FILIP1L: variants seen among roughly 807,000 people sequenced by gnomAD.
FILIP1L encodes filamin A-interacting protein 1-like.
A neutral mutation model predicts 96.6 loss-of-function variants in FILIP1L; 55 were observed. That is an observed-to-expected ratio of 0.57 (90% confidence interval 0.46 to 0.71). The LOEUF (loss-of-function observed/expected upper bound fraction) is 0.71, where lower values mean the gene tolerates loss of function less well. Ranked by LOEUF, FILIP1L falls within the 30% of genes least tolerant of loss-of-function variation. The pLI, the probability that FILIP1L is intolerant of heterozygous loss-of-function variation, is 0.00. For missense variants in FILIP1L, 1,304 were observed against 1,321.2 expected (o/e 0.99, Z 0.20); for synonymous variants, 467 against 473.9 (o/e 0.99, Z 0.19).
rs1353041864 is a variant in FILIP1L at position 99,849,742 on chromosome 3, A to G, written c.1934T>C (p.Ile645Thr). Residue 645 changes from isoleucine (I) to threonine (T), a missense_variant, in exon 5 of 6, where the codon ATT (isoleucine) becomes ACT (threonine). By Grantham distance (89) the Ile-to-Thr change is moderately conservative. Transcript: ENST00000477258. ...TTCTGTTTTCATGAGGTCATCCTCA[A>G]TGGCTTTCATGTCCTTTAGCTTCAG... ...LKLKLKDMKAIEDDLMKTEDE... is the reference protein window; with the variant it reads ...LKLKLKDMKATEDDLMKTEDE... 5 of 1,613,650 alleles carry G rather than the reference A, an allele frequency of 3.1e-6. No individual in the cohort carries two copies. The highest frequency in any genetic ancestry group is 1.3e-5 in the African/African-American group (1 of 74,926).
At chr3:99,854,946 C>T (rs1943885004) in intron 4 of FILIP1L, among the ~76,000 whole-genome samples, 1 of 152,162 alleles carries the variant, frequency 6.6e-6, no homozygotes. Flanking sequence ...TGTTAAACTG[C>T]AGACTCCAAT....
chr3:99,915,102 T>C (rs1267386814), intron 4 of FILIP1L, among the ~76,000 whole-genome samples: 1 of 152,194 alleles, frequency 6.6e-6, no homozygotes, highest in Non-Finnish European at 1.5e-5. Context: ...AATTCTGCCT[T>C]CTTGGGGATA....
At chr3:99,871,164 T>A (rs191007386) in intron 4 of FILIP1L, among the ~76,000 whole-genome samples, 22 of 152,332 alleles carry the variant, frequency 1.4e-4, no homozygotes, top group African/African-American at 5.1e-4. Flanking sequence ...CTAGTTAAGT[T>A]CACTGCCTTG....
intron 1 of FILIP1L, chr3:100,051,180 C>G (rs2065365495): frequency 6.6e-6 from 1 of 152,030 alleles, no homozygotes; most frequent in South Asian, 2.1e-4. Context: ...GATCACAATT[C>G]TTCTCTGTGA....
chr3:99,879,158 C>G (rs1240839111), intron 4 of FILIP1L, among the ~76,000 whole-genome samples: 1 of 152,178 alleles, frequency 6.6e-6, no homozygotes, highest in East Asian at 1.9e-4. Context: ...TAAATCAGCA[C>G]TAGCTTTAAA....
At chr3:100,040,429 C>T (rs936919884) in intron 1 of FILIP1L, 5 of 152,084 alleles carry the variant, frequency 3.3e-5, no homozygotes, top group Non-Finnish European at 5.9e-5. Flanking sequence ...TAGATGAGTA[C>T]ACAGATGTGA....
chr3:100,062,260 C>T (rs1010575373), intron 1 of FILIP1L, among the ~76,000 whole-genome samples: 5 of 151,380 alleles, frequency 3.3e-5, no homozygotes, highest in African/African-American at 7.3e-5. Context: ...TACAGGCGCT[C>T]GCCACCACGC....
chr3:100,093,454 A>C (rs1232381837), intron 1 of FILIP1L, among the ~76,000 whole-genome samples: 1 of 152,038 alleles, frequency 6.6e-6, no homozygotes, highest in African/African-American at 2.4e-5. Context: ...ACTTTTTTAC[A>C]AAAAATATAT....
chr3:99,989,773 A>G (rs1709459305), intron 1 of FILIP1L, among the ~76,000 whole-genome samples: 2 of 151,926 alleles, frequency 1.3e-5, no homozygotes, highest in Admixed American at 6.6e-5. Flanking sequence ...ACATGTTAAT[A>G]TTAAAAGTTA....
At chr3:99,916,511 C>A (rs1706960023) in intron 4 of FILIP1L, among the ~76,000 whole-genome samples, 1 of 151,546 alleles carries the variant, frequency 6.6e-6, no homozygotes, top group Admixed American at 6.6e-5. Flanking sequence ...AGGACCCTGA[C>A]AAATACAGTG....
intron 1 of FILIP1L, among the ~76,000 whole-genome samples, chr3:99,934,835 A>G (rs1422073509): frequency 6.6e-6 from 1 of 152,210 alleles, no homozygotes; most frequent in Admixed American, 6.5e-5. Context: ...ACATTTTTAT[A>G]CTGTGTTTGT....
chr3:99,985,858 G>A (rs1363140039), intron 1 of FILIP1L, among the ~76,000 whole-genome samples: 1 of 152,036 alleles, frequency 6.6e-6, no homozygotes, highest in African/African-American at 2.4e-5. Flanking sequence ...CAAAGTACTG[G>A]GATTACAGGC....
intron 5 of FILIP1L, among the ~76,000 whole-genome samples, chr3:99,836,274 T>A (rs1383704875): frequency 6.6e-6 from 1 of 152,028 alleles, no homozygotes; most frequent in African/African-American, 2.4e-5. Flanking sequence ...GAGTGGAGGA[T>A]GAGCAGAGAA....
At chr3:99,866,241 T>A (rs1454817334) in intron 4 of FILIP1L, among the ~76,000 whole-genome samples, 1 of 152,120 alleles carries the variant, frequency 6.6e-6, no homozygotes, top group African/African-American at 2.4e-5. Context: ...TTCACCACAT[T>A]TAATAAAAAG....
chr3:99,847,224 C>CA (rs749004894), intron 5 of FILIP1L, among the ~76,000 whole-genome samples: 2,063 of 142,284 alleles, frequency 0.014, 24 homozygotes, highest in East Asian at 0.031. Flanking sequence ...GAGGTTAAAA[C>CA]AAAAAAAAAA....
At chr3:100,025,442 C>T (rs2064901599) in intron 1 of FILIP1L, 1 of 152,010 alleles carries the variant, frequency 6.6e-6, no homozygotes, top group South Asian at 2.1e-4. Flanking sequence ...GTCTTCCTTC[C>T]CCACCCACTT....
chr3:100,011,956 A>C (rs1449686984), intron 1 of FILIP1L, among the ~76,000 whole-genome samples: 2 of 152,148 alleles, frequency 1.3e-5, no homozygotes, highest in South Asian at 2.1e-4. Flanking sequence ...GCAATATAAG[A>C]TATTGTGTGG....
chr3:100,085,836 C>T (rs916249519), intron 1 of FILIP1L, among the ~76,000 whole-genome samples: 2 of 152,134 alleles, frequency 1.3e-5, no homozygotes, highest in African/African-American at 4.8e-5. Flanking sequence ...CTGGAGACCT[C>T]GACTAGCAGG....
At chr3:99,876,290 C>A in intron 4 of FILIP1L, 1 of 870,316 alleles carries the variant, frequency 1.1e-6, no homozygotes, top group South Asian at 5.2e-5. Flanking sequence ...GACCCTCGGC[C>A]GCGGCGGCGG....
Sources: allele counts gnomAD v4.1 joint callset (sites outside exome capture counted in the v4.1 genomes callset), GRCh38; gene constraint gnomAD v4.1.1; transcripts MANE v1.5; gene names NCBI Gene and HGNC (gene_info 2026-07-23, HGNC 2026-07-21).